TTLL11: variants seen among roughly 807,000 people sequenced by gnomAD.
TTLL11 encodes the protein tubulin tyrosine ligase like 11.
A neutral mutation model predicts 51.7 loss-of-function variants in TTLL11; 42 were observed. The ratio of observed to expected loss-of-function variants is 0.81; its 90% confidence interval spans 0.64 to 1.05. The LOEUF (loss-of-function observed/expected upper bound fraction) is 1.05. TTLL11 is among the 50% of genes least tolerant of loss of function. The pLI, the probability that TTLL11 is intolerant of heterozygous loss-of-function variation, is 0.00. For synonymous variants in TTLL11, 381 were observed against 383.5 expected, an observed-to-expected ratio of 0.99 and a Z score of 0.08; for missense variants, 799 against 940.4, an observed-to-expected ratio of 0.85 and a Z score of 1.97.
intron 6 of TTLL11, among the ~76,000 whole-genome samples, chr9:121,901,470 C>A (rs911152242): frequency 6.6e-6 from 1 of 152,114 alleles, no homozygotes; most frequent in Admixed American, 6.6e-5. Flanking sequence ...GGAACACCAA[C>A]AACTTAGAAC....
intron 1 of TTLL11, among the ~76,000 whole-genome samples, chr9:122,085,182 C>G (rs1232605962): frequency 1.3e-5 from 2 of 152,122 alleles, no homozygotes; most frequent in African/African-American, 4.8e-5. Context: ...ATCGCTTGAA[C>G]CCAGGAGGCA....
chr9:122,058,038 A>G lies in TTLL11; in HGVS notation c.463-18670T>C, dbSNP rs77997293. 3.9e-5 allele frequency among the ~76,000 whole-genome samples: 6 copies of G among 152,368 alleles called. No homozygotes were observed. The East Asian group carries it at 1.2e-3, about 29-fold the overall frequency. ...CAGGTGAGGGCCAAAGGGCTACAGG[A>G]GCATGAAGCAGAGCATGAGTTATTC... On this transcript the variant is annotated intron_variant, in intron 1 of 8. Transcript: ENST00000321582.
intron 6 of TTLL11, among the ~76,000 whole-genome samples, chr9:121,971,452 T>G (rs1403905534): frequency 7.7e-5 from 7 of 91,430 alleles, no homozygotes; most frequent in Non-Finnish European, 7.7e-5. Context: ...GTGGGGGGGG[T>G]CAGCCCCCCC....
chr9:121,957,665 C>A (rs1351390150), intron 6 of TTLL11, among the ~76,000 whole-genome samples: 2 of 152,290 alleles, frequency 1.3e-5, no homozygotes, highest in Admixed American at 1.3e-4. Context: ...GGAGCCCATG[C>A]CCTCCCTCCT....
At chr9:121,982,670 A>G (rs1292655873) in intron 4 of TTLL11, among the ~76,000 whole-genome samples, 6 of 144,122 alleles carry the variant, frequency 4.2e-5, no homozygotes, top group African/African-American at 1.5e-4. Context: ...GCAGTGAGTG[A>G]GTGCCATTGC....
rs565106793 is a variant in TTLL11 at position 122,001,275 on chromosome 9, T to C, written c.694-11505A>G. Among the ~76,000 whole-genome samples, 9 of 152,230 alleles carry C rather than the reference T, an allele frequency of 5.9e-5. No homozygotes were observed. In the South Asian group the frequency reaches 6.2e-4, roughly 11 times the overall value. ...CACACCTGGCCAATTTTTGTATTTT[T>C]AGTAGAGACGGGGTTTCCCCACGTT... On this transcript the variant is annotated intron_variant, in intron 3 of 8. Transcript: ENST00000321582.
intron 6 of TTLL11, among the ~76,000 whole-genome samples, chr9:121,921,683 T>C (rs1171098603): frequency 6.6e-6 from 1 of 152,110 alleles, no homozygotes; most frequent in Non-Finnish European, 1.5e-5. Flanking sequence ...TAATCACAAG[T>C]TATGAGTCAC....
At chr9:122,059,304 C>T (rs1012065175) in intron 1 of TTLL11, among the ~76,000 whole-genome samples, 2 of 152,204 alleles carry the variant, frequency 1.3e-5, no homozygotes, top group Non-Finnish European at 2.9e-5. Flanking sequence ...GCCATGTTTG[C>T]TGAGCATTTA....
chr9:122,077,030 C>T (rs549373487), intron 1 of TTLL11, among the ~76,000 whole-genome samples: 15 of 152,118 alleles, frequency 9.9e-5, no homozygotes, highest in Non-Finnish European at 1.6e-4. Context: ...ATCTTCAAAG[C>T]GCTGAGACCC....
rs749331174 is a variant in TTLL11, at chr9:121,822,860, G to A, written c.1860C>T (p.Phe620=). ...GAGCCAGGAAAAAGAAAGCTTCTAC[G>A]AAGGCCTGCAGACACATCCCTGTGA... The part of the protein sequence containing the change: ...QRDSGMCLQA[F]VEAFFFLAQR... Residue 620 remains phenylalanine, a synonymous_variant, in exon 9 of 9, where the codon TTC becomes TTT. Coordinates refer to ENST00000321582, the MANE Select transcript of TTLL11 (RefSeq NM_001139442.2). The surrounding 1 kb of genome is among the most constrained non-coding windows in gnomAD (Gnocchi z 5.8). The A allele has an allele frequency of 6.4e-6, 10 of 1,550,982 alleles. No homozygotes were observed. Among genetic ancestry groups the A allele is most frequent in the South Asian group, 6.0e-5 (5 of 84,002 alleles).
chr9:121,846,708 A>G (rs7046818), intron 8 of TTLL11, among the ~76,000 whole-genome samples: 101,010 of 152,072 alleles, frequency 0.66, 33,866 homozygotes, highest in East Asian at 0.77. Flanking sequence ...AAAATCTCAA[A>G]AGATATTTAA....
intron 4 of TTLL11, among the ~76,000 whole-genome samples, chr9:121,985,984 C>G (rs1162010775): frequency 1.3e-5 from 2 of 152,208 alleles, no homozygotes; most frequent in Non-Finnish European, 2.9e-5. Flanking sequence ...GAGAAAGAAG[C>G]AGAGGCTCAG....
At chr9:121,996,632 T>C (rs552909788) in intron 3 of TTLL11, among the ~76,000 whole-genome samples, 1 of 152,356 alleles carries the variant, frequency 6.6e-6, no homozygotes, top group Non-Finnish European at 1.5e-5. Context: ...GGAAAGTATG[T>C]GAAAACCACA....
chr9:121,881,322 T>C (rs573339149), intron 6 of TTLL11, among the ~76,000 whole-genome samples: 1 of 152,364 alleles, frequency 6.6e-6, no homozygotes, highest in African/African-American at 2.4e-5. Context: ...AGTTATTCTT[T>C]GCCTAGACTG....
At chr9:121,987,861 G>A (rs1842977290) in intron 4 of TTLL11, among the ~76,000 whole-genome samples, 1 of 151,714 alleles carries the variant, frequency 6.6e-6, no homozygotes, top group South Asian at 2.1e-4. Context: ...ACCATTTGCT[G>A]ATGAGTTCTC....
At chr9:121,842,630 T>G (rs79509804) in intron 8 of TTLL11, among the ~76,000 whole-genome samples, 4,211 of 152,322 alleles carry the variant, frequency 0.028, 105 homozygotes, top group African/African-American at 0.063. Context: ...GTAGGAAATG[T>G]TACCCATGAA....
At chr9:122,041,797 T>TC (rs1844851332) in intron 1 of TTLL11, among the ~76,000 whole-genome samples, 1 of 152,032 alleles carries the variant, frequency 6.6e-6, no homozygotes, top group Non-Finnish European at 1.5e-5. Context: ...CAGAAAGATA[T>TC]CCTATGCTCA....
intron 3 of TTLL11, among the ~76,000 whole-genome samples, chr9:121,994,372 C>T (rs1009583636): frequency 1.3e-5 from 2 of 152,114 alleles, no homozygotes; most frequent in Non-Finnish European, 2.9e-5. Context: ...AATACCACCA[C>T]CACGAATAAT....
chr9:122,053,436 G>A (rs1256667203), intron 1 of TTLL11, among the ~76,000 whole-genome samples: 1 of 152,132 alleles, frequency 6.6e-6, no homozygotes, highest in Non-Finnish European at 1.5e-5. Context: ...CAAAGTTGGA[G>A]AGGTCCACGC....
Sources: gnomAD v4.1 joint callset for allele counts (sites outside exome capture counted in the v4.1 genomes callset) on GRCh38, gnomAD v4.1.1 for gene constraint, Gnocchi (gnomAD v3.1) non-coding constraint, MANE v1.5 for transcripts, NCBI Gene and HGNC (gene_info 2026-07-23, HGNC 2026-07-21) for gene names.